Variants in ATXN1 observed in about 807,000 individuals in gnomAD.
ATXN1 encodes the protein ataxin-1.
Under a neutral mutation model 56.4 loss-of-function variants are expected in ATXN1, and 8 were observed. The observed-to-expected ratio is 0.14, with a 90% confidence interval of 0.08 to 0.26. The LOEUF (loss-of-function observed/expected upper bound fraction) is 0.26, where lower values mean the gene tolerates loss of function less well. Ranked by LOEUF, ATXN1 falls within the 10% of genes least tolerant of loss-of-function variation. The pLI is 1.00. For missense variants in ATXN1, 987 were observed against 1,106.5 expected, an observed-to-expected ratio of 0.89 and a Z score of 1.53; for synonymous variants, 514 against 494.6, an observed-to-expected ratio of 1.04 and a Z score of -0.52.
chr6:16,416,577 T>A (rs1386519685), intron 6 of ATXN1, among the ~76,000 whole-genome samples: 3 of 152,258 alleles, frequency 2.0e-5, no homozygotes, highest in African/African-American at 7.2e-5. Flanking sequence ...TATTCATAAA[T>A]ATCAACTGTA....
intron 2 of ATXN1, among the ~76,000 whole-genome samples, chr6:16,712,860 T>C (rs986295356): frequency 6.6e-6 from 1 of 152,162 alleles, no homozygotes; most frequent in Non-Finnish European, 1.5e-5. Flanking sequence ...ATGTACCTGC[T>C]AGGATAATGA....
intron 3 of ATXN1, among the ~76,000 whole-genome samples, chr6:16,655,482 GAAC>G (rs201412328): frequency 0.015 from 2,273 of 152,254 alleles, 28 homozygotes; most frequent in Middle Eastern, 0.065. Flanking sequence ...AACACTAACA[GAAC>G]AACACATAGC....
intron 3 of ATXN1, among the ~76,000 whole-genome samples, chr6:16,632,537 C>G (rs145524986): frequency 3.7e-4 from 57 of 152,156 alleles, no homozygotes; most frequent in African/African-American, 1.3e-3. Context: ...GGCCATGCCA[C>G]CAGCACAGCA....
At chr6:16,680,216 T>A (rs1477805090) in intron 2 of ATXN1, among the ~76,000 whole-genome samples, 1 of 152,176 alleles carries the variant, frequency 6.6e-6, no homozygotes, top group Non-Finnish European at 1.5e-5. Flanking sequence ...TCTTGTTTTT[T>A]TCTGGTGGGA....
At chr6:16,738,422 C>T (rs962510114) in intron 2 of ATXN1, 38 of 152,156 alleles carry the variant, frequency 2.5e-4, no homozygotes, top group Admixed American at 9.8e-4. Flanking sequence ...CAATTGGAAG[C>T]AACTCAGGGA....
intron 2 of ATXN1, among the ~76,000 whole-genome samples, chr6:16,709,022 TC>T (rs1291715960): frequency 1.0e-5 from 1 of 99,336 alleles, no homozygotes; most frequent in Non-Finnish European, 2.0e-5. Flanking sequence ...CGAAACTCTG[TC>T]TCAAAAAAAA....
At chr6:16,483,058 C>A (rs1760471725) in intron 6 of ATXN1, among the ~76,000 whole-genome samples, 1 of 152,168 alleles carries the variant, frequency 6.6e-6, no homozygotes, top group Admixed American at 6.5e-5. Context: ...CTAACAACAG[C>A]ATTGTGCATA....
intron 2 of ATXN1, among the ~76,000 whole-genome samples, chr6:16,672,368 A>G (rs958160022): frequency 6.6e-6 from 1 of 152,236 alleles, no homozygotes; most frequent in African/African-American, 2.4e-5. Context: ...TTTTTATAAC[A>G]CTTCTTTTGC....
intron 6 of ATXN1, among the ~76,000 whole-genome samples, chr6:16,406,825 G>A (rs1027600501): frequency 2.6e-5 from 4 of 152,200 alleles, no homozygotes; most frequent in East Asian, 3.9e-4. Flanking sequence ...CTAGCCATTC[G>A]GGACAAATAC....
At chr6:16,632,912 G>A (rs999367533) in intron 3 of ATXN1, among the ~76,000 whole-genome samples, 17 of 151,530 alleles carry the variant, frequency 1.1e-4, no homozygotes, top group East Asian at 3.9e-4. Context: ...CAGGAGAATC[G>A]CTTGAACCTG....
chr6:16,715,286 G>C (rs149355960), intron 2 of ATXN1, among the ~76,000 whole-genome samples: 286 of 152,272 alleles, frequency 1.9e-3, no homozygotes, highest in Middle Eastern at 3.4e-3. Flanking sequence ...TTAAGAGACA[G>C]AGGCTATTAT....
chr6:16,541,050 T>G (rs1011043218), intron 4 of ATXN1, among the ~76,000 whole-genome samples: 17 of 152,214 alleles, frequency 1.1e-4, no homozygotes, highest in Non-Finnish European at 1.6e-4. Flanking sequence ...AAAAAATTTT[T>G]TTTAACCACA....
chr6:16,571,134 C>T lies in ATXN1; in HGVS notation c.-361+14646G>A, dbSNP rs548531499. 1.6e-4 allele frequency among the ~76,000 whole-genome samples: 25 copies of T among 152,276 alleles called. No individual in the cohort carries two copies. In the South Asian group the frequency reaches 3.1e-3, roughly 19 times the overall value. On this transcript the variant is annotated intron_variant, in intron 4 of 7. Coordinates refer to ENST00000436367, the MANE Select transcript of ATXN1 (RefSeq NM_001128164.2). ...AATGGTTCCCGAGTTCAGCATGTGA[C>T]TCCCACTTCTGCTGCTAAAAAAACA...
intron 6 of ATXN1, among the ~76,000 whole-genome samples, chr6:16,362,525 C>A (rs1770963737): frequency 6.6e-6 from 1 of 152,156 alleles, no homozygotes; most frequent in Non-Finnish European, 1.5e-5. Context: ...CGGTCCCTCT[C>A]CTGTCATCAC....
intron 2 of ATXN1, among the ~76,000 whole-genome samples, chr6:16,721,690 T>C (rs983585281): frequency 3.3e-5 from 5 of 152,200 alleles, no homozygotes; most frequent in Non-Finnish European, 7.3e-5. Context: ...TGTAATAATT[T>C]ACAAAATGGC....
intron 6 of ATXN1, among the ~76,000 whole-genome samples, chr6:16,414,550 C>T (rs1561886883): frequency 6.6e-6 from 1 of 152,210 alleles, no homozygotes; most frequent in East Asian, 1.9e-4. Context: ...TAGACTTATT[C>T]AAACCTGCTT....
intron 7 of ATXN1, among the ~76,000 whole-genome samples, chr6:16,321,566 C>G (rs1760653168): frequency 6.6e-6 from 1 of 152,246 alleles, no homozygotes; most frequent in Non-Finnish European, 1.5e-5. Flanking sequence ...AAAAGCTGTA[C>G]TGGGCAGGGC....
chr6:16,569,408 T>A (rs567939090), intron 4 of ATXN1, among the ~76,000 whole-genome samples: 1 of 151,700 alleles, frequency 6.6e-6, no homozygotes, highest in East Asian at 2.0e-4. Flanking sequence ...AGCCTTGTAA[T>A]CCTAGCTACT....
intron 2 of ATXN1, among the ~76,000 whole-genome samples, chr6:16,687,262 G>GT (rs1758937657): frequency 2.0e-5 from 3 of 151,984 alleles, no homozygotes; most frequent in Non-Finnish European, 4.4e-5. Flanking sequence ...TTCCACAAGG[G>GT]TCTACCACAT....
Sources: gnomAD v4.1 joint callset for allele counts (sites outside exome capture counted in the v4.1 genomes callset) on GRCh38, gnomAD v4.1.1 for gene constraint, MANE v1.5 for transcripts, NCBI Gene and HGNC (gene_info 2026-07-23, HGNC 2026-07-21) for gene names.